The following ST18 variants were observed in gnomAD, a reference collection of about 807,000 sequenced individuals.
ST18 encodes ST18 C2H2C-type zinc finger transcription factor.
Under a neutral mutation model 110.0 loss-of-function variants are expected in ST18, and 50 were observed. That is an observed-to-expected ratio of 0.45 (90% CI 0.36 to 0.58). The LOEUF (loss-of-function observed/expected upper bound fraction) is 0.58, where lower values mean the gene tolerates loss of function less well. Ranked by LOEUF, ST18 falls within the 20% of genes least tolerant of loss-of-function variation. The pLI, the probability that ST18 is intolerant of heterozygous loss-of-function variation, is 0.00. For synonymous variants in ST18, 461 were observed against 452.4 expected, an observed-to-expected ratio of 1.02 and a Z score of -0.24; for missense variants, 1,306 against 1,280.1, an observed-to-expected ratio of 1.02 and a Z score of -0.31.
intron 2 of ST18, among the ~76,000 whole-genome samples, chr8:52,289,733 A>G (rs1160287502): frequency 2.6e-5 from 4 of 151,650 alleles, no homozygotes; most frequent in African/African-American, 9.7e-5. Flanking sequence ...TCACTCTCTC[A>G]CCCTCCACAT....
intron 2 of ST18, among the ~76,000 whole-genome samples, chr8:52,243,688 G>T (rs760250595): frequency 6.6e-6 from 1 of 152,200 alleles, no homozygotes; most frequent in African/African-American, 2.4e-5. Flanking sequence ...GCCTGGCACA[G>T]TGTAAGCACT....
intron 15 of ST18, among the ~76,000 whole-genome samples, chr8:52,151,726 AT>A (rs2058857332): frequency 6.6e-6 from 1 of 152,204 alleles, no homozygotes; most frequent in Non-Finnish European, 1.5e-5. Flanking sequence ...ATCAAGTTTA[AT>A]GGCCAACGTA....
chr8:52,172,636 G>A, intron 9 of ST18, 53 bp from the exon 10 acceptor site: 1 of 1,424,698 alleles, frequency 7.0e-7, no homozygotes, highest in Non-Finnish European at 9.4e-7. Flanking sequence ...AATATTTTAG[G>A]AAAATTGCAA....
At chr8:52,149,032 A>G (rs556467018) in intron 16 of ST18, among the ~76,000 whole-genome samples, 6 of 152,370 alleles carry the variant, frequency 3.9e-5, no homozygotes, top group Non-Finnish European at 8.8e-5. Context: ...TAAACAACCG[A>G]GGGTTCTGGC....
chr8:52,337,258 A>G (rs1812564807), intron 2 of ST18, among the ~76,000 whole-genome samples: 1 of 152,258 alleles, frequency 6.6e-6, no homozygotes, highest in Non-Finnish European at 1.5e-5. Flanking sequence ...GCTGAGAAAT[A>G]CAATAACAAG....
intron 2 of ST18, among the ~76,000 whole-genome samples, chr8:52,291,460 T>G (rs923376289): frequency 1.3e-5 from 2 of 152,234 alleles, no homozygotes; most frequent in Non-Finnish European, 2.9e-5. Flanking sequence ...TTGACATTGT[T>G]GGGAATTGTT....
intron 2 of ST18, among the ~76,000 whole-genome samples, chr8:52,402,307 G>A (rs1038055167): frequency 2.0e-5 from 3 of 152,168 alleles, no homozygotes; most frequent in African/African-American, 7.2e-5. Flanking sequence ...TAGAACTGGG[G>A]TCCTGGGCTC....
chr8:52,259,076 A>G (rs2138599268), intron 2 of ST18, among the ~76,000 whole-genome samples: 1 of 152,298 alleles, frequency 6.6e-6, no homozygotes, highest in South Asian at 2.1e-4. Flanking sequence ...AGAGCCTGAC[A>G]CAGGGCATTC....
Position 52,164,056 on chromosome 8 carries a change from A to G in ST18, c.1330T>C (p.Leu444=), listed in dbSNP as rs747481473. ...TGATTTTTATCCTGGGACATTGCCA[A>G]TTTTTCAGCTGCAGCAATTGGACAA... The part of the protein sequence containing the change: ...SGCPIAAAEK[L]AMSQDKNQLD... The change falls in exon 13 of 26, where the codon TTG becomes CTG. Residue 444 remains leucine, a synonymous_variant. Transcript: ENST00000689386. 19 of 1,614,160 alleles carry G rather than the reference A, an allele frequency of 1.2e-5. No homozygotes were observed. In the Admixed American group the frequency reaches 1.8e-4, roughly 16 times the overall value.
At chr8:52,122,043 A>G (rs1351804418) in intron 23 of ST18, among the ~76,000 whole-genome samples, 1 of 152,076 alleles carries the variant, frequency 6.6e-6, no homozygotes, top group Non-Finnish European at 1.5e-5. Context: ...ACAGAGTTTC[A>G]CCATGTTGGT....
intron 2 of ST18, among the ~76,000 whole-genome samples, chr8:52,306,792 A>G (rs192008423): frequency 6.6e-5 from 10 of 152,306 alleles, no homozygotes; most frequent in African/African-American, 2.2e-4. Flanking sequence ...TAGATGAAAG[A>G]AAGAAATAGA....
rs991299362 is a variant in ST18, at chr8:52,113,258, G to A, written c.3084C>T (p.Ser1028=). The A allele has an allele frequency of 6.2e-7, 1 of 1,614,048 alleles. No homozygotes were observed. The highest frequency in any genetic ancestry group is 8.5e-7 in the Non-Finnish European group (1 of 1,179,968). Residue 1028 remains serine (S), a synonymous_variant, in exon 26 of 26, where the codon TCC becomes TCT. Coordinates refer to ENST00000689386, the MANE Select transcript of ST18 (RefSeq NM_001352837.2). ...TTTCCAGTAGAGCTTTGCATTCCGG[G>A]GAATAGTCCCGTTCCAGATTGCTGT... ...DMYSNLERDY[S]PECKALLESI... is the part of the protein sequence containing the mutation.
intron 2 of ST18, among the ~76,000 whole-genome samples, chr8:52,362,563 C>T (rs1826154035): frequency 6.6e-6 from 1 of 152,266 alleles, no homozygotes; most frequent in Middle Eastern, 3.4e-3. Context: ...CTAATTAACA[C>T]TTAGGGCAAT....
At position 52,137,605 on chromosome 8, in the gene ST18, T is replaced by A; in HGVS notation, c.2169-122A>T. 3 of 858,602 alleles carry A rather than the reference T, an allele frequency of 3.5e-6. No individual in the cohort carries two copies. The East Asian group carries it at 8.0e-5, about 23-fold the overall frequency. 53.2% of individuals were successfully genotyped at this position (858,602 alleles called of 1,614,324 possible). On this transcript the variant is annotated intron_variant, in intron 17 of 25. Coordinates refer to ENST00000689386, the MANE Select transcript of ST18 (RefSeq NM_001352837.2). ...AGATAAGTTAACACAGTATAGGACA[T>A]GCAGAAGCTAGTGTACCAAGGATTT...
chr8:52,263,742 G>A (rs2094774859), intron 2 of ST18, among the ~76,000 whole-genome samples: 2 of 124,238 alleles, frequency 1.6e-5, no homozygotes, highest in Non-Finnish European at 1.6e-5. Flanking sequence ...ACAGTGCCTG[G>A]CTTTTTTTTT....
intron 15 of ST18, among the ~76,000 whole-genome samples, 178 bp from the exon 16 acceptor site, chr8:52,150,155 G>A (rs752399944): frequency 6.6e-6 from 1 of 152,154 alleles, no homozygotes; most frequent in African/African-American, 2.4e-5. Flanking sequence ...TTTAAGAACA[G>A]CCCCATTAGT....
intron 16 of ST18, among the ~76,000 whole-genome samples, chr8:52,148,510 T>C (rs1324256999): frequency 6.6e-6 from 1 of 152,130 alleles, no homozygotes; most frequent in Non-Finnish European, 1.5e-5. Context: ...TGTTTATCAG[T>C]GTATTTGGCT....
intron 2 of ST18, among the ~76,000 whole-genome samples, chr8:52,389,176 G>A (rs896104271): frequency 6.6e-6 from 1 of 152,126 alleles, no homozygotes; most frequent in Non-Finnish European, 1.5e-5. Context: ...CACAGAGCGC[G>A]AAAGTCGCCT....
intron 8 of ST18, among the ~76,000 whole-genome samples, chr8:52,186,143 C>T (rs1438317430): frequency 6.6e-6 from 1 of 151,878 alleles, no homozygotes; most frequent in East Asian, 1.9e-4. Flanking sequence ...AAGAAGCAAG[C>T]CAAAGAGTGG....
Sources: allele counts gnomAD v4.1 joint callset (sites outside exome capture counted in the v4.1 genomes callset), GRCh38; gene constraint gnomAD v4.1.1; transcripts MANE v1.5; gene names NCBI Gene and HGNC (gene_info 2026-07-23, HGNC 2026-07-21).